Variants in NUP205 observed in about 807,000 individuals in gnomAD.
NUP205 encodes nucleoporin 205.
A neutral mutation model predicts 253.8 loss-of-function variants in NUP205; 76 were observed. The observed-to-expected ratio is 0.30, with a 90% CI of 0.25 to 0.36. The LOEUF is 0.36. Among genes scored for constraint, NUP205 ranks in the 10% least tolerant of loss-of-function variants. The pLI, the probability that NUP205 is intolerant of heterozygous loss-of-function variation, is 1.00. For synonymous variants in NUP205, 832 were observed against 850.1 expected, an observed-to-expected ratio of 0.98 and a Z score of 0.37; for missense variants, 2,162 against 2,425.5, an observed-to-expected ratio of 0.89 and a Z score of 2.28.
chr7:135,619,509 C>T lies in NUP205; in HGVS notation c.4050C>T (p.Val1350=), dbSNP rs1414094906. The T allele has an allele frequency of 6.2e-7, 1 of 1,614,126 alleles. No individual in the cohort carries two copies. The highest frequency in any genetic ancestry group is 8.5e-7 in the Non-Finnish European group (1 of 1,180,024). ...TGACTGCTCACCTAAGCCAGGCCGT[C>T]CTCACTGAACAGAAGGAAACATCAG... ...FTLTAHLSQA[V]LTEQKETSVL... Residue 1350 remains valine, a synonymous_variant, in exon 29 of 43, where the codon GTC becomes GTT. Transcript: ENST00000285968.
In NUP205 at chr7:135,645,552, C is replaced by T. The variant is rs1274190584; in HGVS notation, c.5768C>T (p.Ser1923Phe). The change falls in exon 41 of 43, where the codon TCC (serine) becomes TTC (phenylalanine). Residue 1923 changes from serine to phenylalanine, a missense_variant. Coordinates refer to ENST00000285968, the MANE Select transcript of NUP205 (RefSeq NM_015135.3). The stretch of plus-strand genomic sequence containing the variant: ...TGCATGCCCACGGATTCTCAAGATT[C>T]CTTATTTGCCTCGAGAACCTTGTTT... ...LHCMPTDSQD[S>F]LFASRTLFKS... 1.2e-6 allele frequency: 2 copies of T among 1,614,102 alleles called. No homozygotes were observed. Among genetic ancestry groups the T allele is most frequent in the East Asian group, 2.2e-5 (1 of 44,886 alleles).
At position 135,648,683 on chromosome 7, in the gene NUP205, C is replaced by G. The variant is rs2129492794; in HGVS notation, c.*127C>G. 1.6e-6 allele frequency: 1 copy of G among 645,062 alleles called. No homozygotes were observed. Among genetic ancestry groups the G allele is most frequent in the East Asian group, 3.2e-5 (1 of 31,578 alleles). 40.0% of individuals were successfully genotyped at this position (645,062 alleles called of 1,614,324 possible). A position where few individuals can be genotyped will look rare whatever the true frequency, so the allele number is the denominator to read the frequency against. On this transcript the variant is annotated 3_prime_UTR_variant, in exon 43 of 43. Transcript: ENST00000285968. ...TATTTCTTTCTTTGTATATGGACAT[C>G]TTTTCTGTAAACTTCTTCCCCTAGT...
chr7:135,594,811 A>G (rs1793788413), intron 13 of NUP205, 82 bp downstream of exon 13: 1 of 1,060,226 alleles, frequency 9.4e-7, no homozygotes, highest in African/African-American at 1.6e-5. Context: ...AGAACATGCA[A>G]TTGGAACTTA....
Position 135,626,362 on chromosome 7 carries a change from G to T in NUP205, c.4793+1G>T. 1 of 1,613,958 alleles carries T rather than the reference G, an allele frequency of 6.2e-7. No individual in the cohort carries two copies. Among genetic ancestry groups the T allele is most frequent in the Non-Finnish European group, 8.5e-7 (1 of 1,179,926 alleles). On this transcript the variant is annotated splice_donor_variant, in intron 33 of 42. Coordinates refer to ENST00000285968, the MANE Select transcript of NUP205 (RefSeq NM_015135.3). LOFTEE classifies it high-confidence loss of function. ...TGCGCCCAGAAACGGACCCGCAGAG[G>T]TAAGTGTCTGTATAGATTAATTTGG...
chr7:135,588,687 C>T (rs1806539936), intron 10 of NUP205, among the ~76,000 whole-genome samples: 1 of 151,052 alleles, frequency 6.6e-6, no homozygotes, highest in Non-Finnish European at 1.5e-5. Context: ...CAGGCATGAG[C>T]ACTGTGCCCC....
intron 7 of NUP205, among the ~76,000 whole-genome samples, chr7:135,580,523 T>C (rs1806275384): frequency 6.6e-6 from 1 of 152,192 alleles, no homozygotes; most frequent in Admixed American, 6.5e-5. Context: ...TGGAATGCAG[T>C]GGCATGATCT....
At chr7:135,558,290 G>T in intron 1 of NUP205, 1 of 400,066 alleles carries the variant, frequency 2.5e-6, no homozygotes, top group East Asian at 4.7e-5. Context: ...CTGTGGTCCC[G>T]ATTTCGCTGG....
At chr7:135,600,810 T>G (rs1429442147) in intron 15 of NUP205, 60 bp from the exon 16 acceptor site, 2 of 969,216 alleles carry the variant, frequency 2.1e-6, no homozygotes, top group Middle Eastern at 2.2e-4. Context: ...GTGAAAAGCC[T>G]TGCAAGGCCA....
chr7:135,579,032 G>A (rs762662086), intron 7 of NUP205, 117 bp downstream of exon 7: 11 of 732,368 alleles, frequency 1.5e-5, no homozygotes, highest in Non-Finnish European at 2.3e-5. Context: ...GATATCCAGA[G>A]TTGTATTAAA....
intron 40 of NUP205, 111 bp from the exon 41 acceptor site, chr7:135,645,357 G>C: frequency 9.1e-7 from 1 of 1,098,686 alleles, no homozygotes; most frequent in Non-Finnish European, 1.3e-6. Flanking sequence ...GACTGAGGCT[G>C]TGGGTACCTC....
chr7:135,565,244 T>C (rs1184925747), intron 1 of NUP205, among the ~76,000 whole-genome samples: 3 of 152,170 alleles, frequency 2.0e-5, no homozygotes, highest in Non-Finnish European at 4.4e-5. Flanking sequence ...GAAAATTAAC[T>C]TTTGTCAGCA....
chr7:135,591,472 G>C lies in NUP205; in HGVS notation c.1496G>C (p.Arg499Thr). 6.2e-7 allele frequency: 1 copy of C among 1,613,806 alleles called. No individual in the cohort carries two copies. Among genetic ancestry groups the C allele is most frequent in the Non-Finnish European group, 8.5e-7 (1 of 1,179,892 alleles). Reference protein sequence around the residue: ...QRQVVLSKFVRQMGDLLPPTI... With the variant: ...QRQVVLSKFVTQMGDLLPPTI... ...CAGGTTGTCTTGTCAAAGTTTGTTA[G>C]GCAAATGGGTGACCTGTTGCCTCCA... The change falls in exon 11 of 43, where the codon AGG becomes ACG. Residue 499 changes from arginine (R) to threonine (T), a missense_variant. Transcript: ENST00000285968.
At chr7:135,567,163 T>C (rs1355364307) in intron 1 of NUP205, among the ~76,000 whole-genome samples, 2 of 104,690 alleles carry the variant, frequency 1.9e-5, no homozygotes, top group African/African-American at 3.6e-5. Flanking sequence ...TATATATATA[T>C]ATATATATAT....
In NUP205 at chr7:135,571,236, T is replaced by C; in HGVS notation, c.160T>C (p.Phe54Leu). Residue 54 changes from phenylalanine (F) to leucine (L), a missense_variant, in exon 2 of 43, where the codon TTC becomes CTC. This residue lies in a region of NUP205 where 109 missense variants were observed against 131.8 expected (regional missense o/e 0.83). Coordinates refer to ENST00000285968, the MANE Select transcript of NUP205 (RefSeq NM_015135.3). ...ACACAAACCTGACTTCATCTCATTGTTCAAAAATCCGGTAAGAAATTTTCT... is the reference window on the plus strand; with the variant it reads ...ACACAAACCTGACTTCATCTCATTGCTCAAAAATCCGGTAAGAAATTTTCT... ...KKHKPDFISL[F>L]KNPPKNVQQH... The C allele has an allele frequency of 1.4e-6, 2 of 1,398,432 alleles. No individual in the cohort carries two copies. The highest frequency in any genetic ancestry group is 1.9e-6 in the Non-Finnish European group (2 of 1,069,974). 86.6% of individuals were successfully genotyped at this position (1,398,432 alleles called of 1,614,324 possible).
intron 14 of NUP205, 65 bp downstream of exon 14, chr7:135,597,483 A>C: frequency 1.0e-6 from 1 of 972,150 alleles, no homozygotes; most frequent in Non-Finnish European, 1.7e-6. Context: ...AAGTCTATGA[A>C]TCATTCTTAC....
At chr7:135,586,008 A>G (rs138044736) in intron 8 of NUP205, among the ~76,000 whole-genome samples, 3 of 152,200 alleles carry the variant, frequency 2.0e-5, no homozygotes, top group African/African-American at 7.2e-5. Flanking sequence ...ACAGTTCCTT[A>G]TAGTATATGC....
chr7:135,640,160 G>A (rs1023887351), intron 38 of NUP205, among the ~76,000 whole-genome samples: 2 of 152,118 alleles, frequency 1.3e-5, no homozygotes, highest in African/African-American at 4.8e-5. Context: ...AACCACCATG[G>A]CACATGTATA....
intron 1 of NUP205, among the ~76,000 whole-genome samples, chr7:135,559,608 C>T (rs1805524366): frequency 6.6e-6 from 1 of 151,820 alleles, no homozygotes; most frequent in East Asian, 1.9e-4. Flanking sequence ...TGTCCTCAAG[C>T]GATCTTTCTG....
intron 34 of NUP205, among the ~76,000 whole-genome samples, chr7:135,629,284 G>A (rs1162769110): frequency 1.3e-5 from 2 of 152,202 alleles, no homozygotes. Context: ...ATTATAAAAT[G>A]CCAAAGTGGA....
Sources: allele counts gnomAD v4.1 joint callset (sites outside exome capture counted in the v4.1 genomes callset), GRCh38; gene constraint gnomAD v4.1.1; regional missense constraint gnomAD v4.1.1; transcripts MANE v1.5; gene names NCBI Gene and HGNC (gene_info 2026-07-23, HGNC 2026-07-21).